The following GPC5 variants were observed in gnomAD, a reference collection of about 807,000 sequenced individuals.
The protein encoded by GPC5 is glypican-5.
Under a neutral mutation model 53.9 loss-of-function variants are expected in GPC5, and 47 were observed. The ratio of observed to expected loss-of-function variants is 0.87; its 90% CI spans 0.69 to 1.11. The LOEUF is 1.11. Among genes scored for constraint, GPC5 ranks in the 50% most tolerant of loss-of-function variants. GPC5 has a pLI of 0.00. For missense variants in GPC5, 748 were observed against 713.1 expected, an observed-to-expected ratio of 1.05 and a Z score of -0.56; for synonymous variants, 286 against 263.3, an observed-to-expected ratio of 1.09 and a Z score of -0.84.
intron 2 of GPC5, among the ~76,000 whole-genome samples, chr13:91,542,406 C>T (rs1380649391): frequency 2.0e-5 from 3 of 152,192 alleles, no homozygotes; most frequent in African/African-American, 7.2e-5. Flanking sequence ...TGTTCTGTCA[C>T]AATATGAGAC....
intron 7 of GPC5, among the ~76,000 whole-genome samples, chr13:92,544,085 T>C (rs1357272598): frequency 2.0e-5 from 3 of 152,214 alleles, no homozygotes; most frequent in East Asian, 1.9e-4. Flanking sequence ...CTTGGTCATA[T>C]TGACTAATAT....
chr13:92,052,948 C>T (rs2041042565), intron 6 of GPC5, among the ~76,000 whole-genome samples: 2 of 152,272 alleles, frequency 1.3e-5, no homozygotes, highest in South Asian at 2.1e-4. Context: ...AAACACCCCT[C>T]CTAGGTTTCC....
chr13:91,863,178 T>C (rs1293769986), intron 5 of GPC5, among the ~76,000 whole-genome samples: 4 of 152,112 alleles, frequency 2.6e-5, no homozygotes, highest in African/African-American at 4.8e-5. Flanking sequence ...TTGACAAGAA[T>C]ATCACAGAAT....
At chr13:91,761,114 G>A (rs186981652) in intron 5 of GPC5, among the ~76,000 whole-genome samples, 278 of 152,030 alleles carry the variant, frequency 1.8e-3, no homozygotes, top group Non-Finnish European at 3.4e-3. Context: ...TTGATGATTC[G>A]TTCTTTTCTT....
rs182026585 is a variant in GPC5, at chr13:91,921,884, T to A, written c.1401+13827T>A. ...TACTCCAGAGGCTGAGGTGGGAGGA[T>A]CTTTTGAGCCTAGGAGTTCAAGGCT... On this transcript the variant is annotated intron_variant, in intron 6 of 7. Coordinates refer to ENST00000377067, the MANE Select transcript of GPC5 (RefSeq NM_004466.6). Among the ~76,000 whole-genome samples, 49 of 152,164 alleles carry A rather than the reference T, an allele frequency of 3.2e-4. No homozygotes were observed. The East Asian group carries it at 7.7e-3, about 24-fold the overall frequency.
At chr13:91,620,415 C>T (rs2033821741) in intron 2 of GPC5, among the ~76,000 whole-genome samples, 1 of 152,062 alleles carries the variant, frequency 6.6e-6, no homozygotes, top group Admixed American at 6.6e-5. Context: ...TGTCATGTCT[C>T]TCAGTGGCTG....
chr13:92,731,361 G>T (rs1888798781), intron 7 of GPC5, among the ~76,000 whole-genome samples: 1 of 151,432 alleles, frequency 6.6e-6, no homozygotes, highest in Non-Finnish European at 1.5e-5. Flanking sequence ...GGTGACTGTG[G>T]AAAGTTAATT....
At chr13:91,644,308 G>A (rs894710329) in intron 2 of GPC5, among the ~76,000 whole-genome samples, 4 of 152,142 alleles carry the variant, frequency 2.6e-5, no homozygotes, top group East Asian at 1.9e-4. Flanking sequence ...AATATCCAAC[G>A]TCGCATAGAC....
chr13:91,836,482 A>G (rs2038724127), intron 5 of GPC5, among the ~76,000 whole-genome samples: 1 of 151,968 alleles, frequency 6.6e-6, no homozygotes, highest in African/African-American at 2.4e-5. Context: ...AGCACTTAAT[A>G]TTACTGTTAA....
At chr13:91,997,653 G>A (rs1288540634) in intron 6 of GPC5, among the ~76,000 whole-genome samples, 1 of 152,114 alleles carries the variant, frequency 6.6e-6, no homozygotes, top group African/African-American at 2.4e-5. Flanking sequence ...CGAGTAGCTG[G>A]AATTACAGAT....
At chr13:92,086,218 T>C (rs1326984554) in intron 6 of GPC5, among the ~76,000 whole-genome samples, 1 of 152,208 alleles carries the variant, frequency 6.6e-6, no homozygotes, top group African/African-American at 2.4e-5. Context: ...ATTCATGTCT[T>C]GAGACCCTAA....
chr13:91,865,252 T>A (rs1214389951), intron 5 of GPC5, among the ~76,000 whole-genome samples: 1 of 152,174 alleles, frequency 6.6e-6, no homozygotes, highest in Non-Finnish European at 1.5e-5. Context: ...ATTGATTTTG[T>A]GGGATTACTT....
chr13:92,496,227 TTA>T (rs1486919538), intron 7 of GPC5, among the ~76,000 whole-genome samples: 2 of 152,174 alleles, frequency 1.3e-5, no homozygotes, highest in African/African-American at 2.4e-5. Context: ...TTATCAGAAA[TTA>T]TATGAGTATT....
At chr13:91,408,064 C>A (rs1877457440) in intron 1 of GPC5, among the ~76,000 whole-genome samples, 1 of 152,106 alleles carries the variant, frequency 6.6e-6, no homozygotes, top group Admixed American at 6.5e-5. Flanking sequence ...GTGGTGAGGA[C>A]ATTTAACATT....
At chr13:91,587,836 AGACTTAAG>A (rs1391190095) in intron 2 of GPC5, among the ~76,000 whole-genome samples, 5 of 152,164 alleles carry the variant, frequency 3.3e-5, no homozygotes, top group Non-Finnish European at 7.4e-5. Flanking sequence ...TTATGGTTGA[AGACTTAAG>A]CTTGTGTGAA....
At chr13:91,531,223 T>A (rs1267124846) in intron 2 of GPC5, among the ~76,000 whole-genome samples, 2 of 152,170 alleles carry the variant, frequency 1.3e-5, no homozygotes, top group East Asian at 3.8e-4. Context: ...TATTTTACGG[T>A]ATTGAAGTTT....
chr13:91,846,504 C>T (rs1204237115), intron 5 of GPC5, among the ~76,000 whole-genome samples: 1 of 150,928 alleles, frequency 6.6e-6, no homozygotes, highest in Non-Finnish European at 1.5e-5. Context: ...TCAAGTATAC[C>T]TTTATAATAA....
Position 91,813,920 on chromosome 13 carries a change from ATTTTTTTTTTTTTTTTT to A in GPC5, c.1280+57514_1280+57530del, listed in dbSNP as rs71113766. On this transcript the variant is annotated intron_variant, in intron 5 of 7. Coordinates refer to ENST00000377067, the MANE Select transcript of GPC5 (RefSeq NM_004466.6). ...TTAGACTGTTGGATTATCTTAACTGATTTTTTTTTTTTTTTTTTTTTTTTTTTTTTGAGACAGAGTAT... is the reference window on the plus strand; with the variant it reads ...TTAGACTGTTGGATTATCTTAACTGATTTTTTTTTTTTTGAGACAGAGTAT... Among the ~76,000 whole-genome samples, 27 of 72,644 alleles carry A rather than the reference ATTTTTTTTTTTTTTTTT, an allele frequency of 3.7e-4. No individual in the cohort carries two copies. In the East Asian group the frequency reaches 9.6e-3, roughly 26 times the overall value. The allele number at this position is 72,644 out of a possible 152,430, so 47.7% of individuals were successfully genotyped here. A position where few individuals can be genotyped will look rare whatever the true frequency, so the allele number is the denominator to read the frequency against.
chr13:92,859,930 T>G (rs1178310426), intron 7 of GPC5, among the ~76,000 whole-genome samples: 1 of 152,080 alleles, frequency 6.6e-6, no homozygotes, highest in South Asian at 2.1e-4. Context: ...TGTCAAAAGA[T>G]CTAAACAATA....
Sources: allele counts gnomAD v4.1 joint callset (sites outside exome capture counted in the v4.1 genomes callset), GRCh38; gene constraint gnomAD v4.1.1; transcripts MANE v1.5; gene names NCBI Gene and HGNC (gene_info 2026-07-23, HGNC 2026-07-21).